CNKSR3: variants seen among roughly 807,000 people sequenced by gnomAD.
CNKSR3 encodes the protein CNKSR family member 3, also known as connector enhancer of kinase suppressor of ras 3.
Under a neutral mutation model 67.7 loss-of-function variants are expected in CNKSR3, and 36 were observed. The observed-to-expected ratio is 0.53, with a 90% CI of 0.41 to 0.70. The LOEUF is 0.70. Ranked by LOEUF, CNKSR3 falls within the 30% of genes least tolerant of loss-of-function variation. The pLI is 0.00. For missense variants in CNKSR3, 630 were observed against 695.2 expected (o/e 0.91, Z 1.05); for synonymous variants, 281 against 271.4 (o/e 1.04, Z -0.35).
At chr6:154,436,050 G>A (rs917544483) in intron 4 of CNKSR3, among the ~76,000 whole-genome samples, 4 of 152,240 alleles carry the variant, frequency 2.6e-5, no homozygotes, top group African/African-American at 9.6e-5. Context: ...AATGGCATGT[G>A]TCAAGCGTGG....
At chr6:154,509,993 T>C in intron 1 of CNKSR3, 70 bp downstream of exon 1, 2 of 1,560,140 alleles carry the variant, frequency 1.3e-6, no homozygotes, top group Non-Finnish European at 1.8e-6. Flanking sequence ...CCAAGTACCC[T>C]CTTCCCCAGC....
rs1393642965 is a variant in CNKSR3 at position 154,430,483 on chromosome 6, C to T, written c.658G>A (p.Gly220Arg). Residue 220 changes from glycine to arginine, a missense_variant, in exon 6 of 13, where the codon GGG (glycine) becomes AGG (arginine). By Grantham distance (125) the Gly-to-Arg change is moderately radical. Coordinates refer to ENST00000607772, the MANE Select transcript of CNKSR3 (RefSeq NM_173515.4). The stretch of plus-strand genomic sequence containing the variant: ...TTATTAGAACTTACCAGGCCTTCCC[C>T]AGGTTTAATGTTTGGTAAGTGAACT... ...EEVHLPNIKP[G>R]EGLGMYIKST... 4 of 1,609,664 alleles carry T rather than the reference C, an allele frequency of 2.5e-6. No homozygotes were observed. The highest frequency in any genetic ancestry group is 2.5e-6 in the Non-Finnish European group (3 of 1,178,566).
At chr6:154,428,773 G>C (rs899309520) in intron 6 of CNKSR3, among the ~76,000 whole-genome samples, 1 of 151,856 alleles carries the variant, frequency 6.6e-6, no homozygotes, top group East Asian at 1.9e-4. Flanking sequence ...CTCCCATCTC[G>C]GCCTCCCAAA....
chr6:154,489,845 C>G (rs1786751694), intron 1 of CNKSR3, among the ~76,000 whole-genome samples: 1 of 152,246 alleles, frequency 6.6e-6, no homozygotes, highest in South Asian at 2.1e-4. Flanking sequence ...AAGCTAGAAA[C>G]AATTCCTAAT....
chr6:154,479,796 A>C (rs1266106746), intron 1 of CNKSR3, among the ~76,000 whole-genome samples: 1 of 152,214 alleles, frequency 6.6e-6, no homozygotes, highest in Admixed American at 6.5e-5. Flanking sequence ...GTTCCAGAGA[A>C]AGCACCTGGA....
intron 1 of CNKSR3, among the ~76,000 whole-genome samples, chr6:154,454,882 G>A (rs1785918936): frequency 6.6e-6 from 1 of 151,996 alleles, no homozygotes. Flanking sequence ...AAGAGACACA[G>A]AAACTCCCAA....
intron 5 of CNKSR3, among the ~76,000 whole-genome samples, chr6:154,430,798 A>G (rs915989426): frequency 6.6e-6 from 1 of 152,176 alleles, no homozygotes; most frequent in South Asian, 2.1e-4. Flanking sequence ...TGTTTAGAAA[A>G]GGCAGCTTTT....
intron 9 of CNKSR3, among the ~76,000 whole-genome samples, chr6:154,416,995 G>C (rs1171308854): frequency 1.3e-5 from 2 of 152,206 alleles, no homozygotes; most frequent in African/African-American, 4.8e-5. Context: ...TGAATTTCCA[G>C]AAGTCAAGGG....
At chr6:154,497,891 T>C (rs1786910180) in intron 1 of CNKSR3, among the ~76,000 whole-genome samples, 1 of 152,200 alleles carries the variant, frequency 6.6e-6, no homozygotes, top group African/African-American at 2.4e-5. Context: ...AACTTACTAA[T>C]TTACGTAGGA....
Position 154,428,187 on chromosome 6 carries a change from C to T in CNKSR3, c.670G>A (p.Gly224Ser), listed in dbSNP as rs1785292785. The change falls in exon 7 of 13, where the codon GGC becomes AGC. Residue 224 changes from glycine to serine, a missense_variant and splice_region_variant. Gly to Ser is a moderately conservative substitution (Grantham distance 56). Coordinates refer to ENST00000607772, the MANE Select transcript of CNKSR3 (RefSeq NM_173515.4). ...LPNIKPGEGLGMYIKSTYDGL... is the reference protein window; with the variant it reads ...LPNIKPGEGLSMYIKSTYDGL... Reference sequence around the variant, plus strand: ...TCATAGGTTGATTTGATGTACATGCCCTGGAGTGAATCACAAATAGATTAA... The same window carrying T: ...TCATAGGTTGATTTGATGTACATGCTCTGGAGTGAATCACAAATAGATTAA... 1 of 1,603,706 alleles carries T rather than the reference C, an allele frequency of 6.2e-7. No individual in the cohort carries two copies. The highest frequency in any genetic ancestry group is 1.1e-5 in the South Asian group (1 of 90,858).
At chr6:154,460,637 C>A (rs958623682) in intron 1 of CNKSR3, among the ~76,000 whole-genome samples, 3 of 152,122 alleles carry the variant, frequency 2.0e-5, no homozygotes, top group African/African-American at 7.2e-5. Context: ...ACATATGAAA[C>A]AGAAGAAAGG....
At chr6:154,480,486 G>A (rs1218145108) in intron 1 of CNKSR3, among the ~76,000 whole-genome samples, 1 of 152,194 alleles carries the variant, frequency 6.6e-6, no homozygotes, top group Non-Finnish European at 1.5e-5. Flanking sequence ...TTTGAGAGCG[G>A]CGGAGTCTCA....
chr6:154,433,602 A>G (rs972865630), intron 4 of CNKSR3, 95 bp from the exon 5 acceptor site: 4 of 921,086 alleles, frequency 4.3e-6, no homozygotes, highest in East Asian at 2.6e-5. Flanking sequence ...CTGCAGCTCA[A>G]GACGGTCCCT....
chr6:154,417,190 T>C (rs1481052649), intron 9 of CNKSR3, among the ~76,000 whole-genome samples: 2 of 152,214 alleles, frequency 1.3e-5, no homozygotes, highest in Non-Finnish European at 2.9e-5. Flanking sequence ...ATTGGACACT[T>C]GCTTCTCCCT....
At chr6:154,424,104 C>T (rs1208694119) in intron 7 of CNKSR3, among the ~76,000 whole-genome samples, 8 of 151,802 alleles carry the variant, frequency 5.3e-5, no homozygotes, top group Non-Finnish European at 1.2e-4. Flanking sequence ...TGGTGGCGGG[C>T]GCCTGTAGTC....
chr6:154,403,470 C>T lies in CNKSR3; in HGVS notation c.*2884G>A, dbSNP rs1584043509. 1 of 151,910 alleles carries T rather than the reference C, an allele frequency of 6.6e-6. No homozygotes were observed. The highest frequency in any genetic ancestry group is 2.4e-5 in the African/African-American group (1 of 41,364). The allele number at this position is 151,910 out of a possible 1,614,324, so 9.4% of individuals were successfully genotyped here. A position where few individuals can be genotyped will look rare whatever the true frequency, so the allele number is the denominator to read the frequency against. The stretch of plus-strand genomic sequence containing the variant: ...AAAGAATCCTGTCAAAAAGCATCAT[C>T]AAGCAACTTCATATGTGAACACACG... On this transcript the variant is annotated 3_prime_UTR_variant, in exon 13 of 13. Coordinates refer to ENST00000607772, the MANE Select transcript of CNKSR3 (RefSeq NM_173515.4).
In CNKSR3 at chr6:154,510,504, C is replaced by T; in HGVS notation, c.-390G>A. 1 of 230,752 alleles carries T rather than the reference C, an allele frequency of 4.3e-6. No homozygotes were observed. Among genetic ancestry groups the T allele is most frequent in the Non-Finnish European group, 8.4e-6 (1 of 118,872 alleles). The allele number at this position is 230,752 out of a possible 1,614,324, so 14.3% of individuals were successfully genotyped here. A position where few individuals can be genotyped will look rare whatever the true frequency, so the allele number is the denominator to read the frequency against. ...TCTCGAGGCGCGATCGGCTCTCCCT[C>T]GGCCGGTCTTCTCGCCTGCTGGCTC... On this transcript the variant is annotated 5_prime_UTR_variant, in exon 1 of 13. Coordinates refer to ENST00000607772, the MANE Select transcript of CNKSR3 (RefSeq NM_173515.4).
intron 4 of CNKSR3, among the ~76,000 whole-genome samples, chr6:154,436,340 T>C (rs1251506666): frequency 1.3e-5 from 2 of 151,314 alleles, no homozygotes; most frequent in African/African-American, 4.9e-5. Flanking sequence ...CTTGGCTAAC[T>C]CCTTAATTTT....
At position 154,398,170 on chromosome 6, in the gene CNKSR3, C is replaced by G. The variant is rs993872037; in HGVS notation, c.*8184G>C. On this transcript the variant is annotated 3_prime_UTR_variant, in exon 13 of 13. Coordinates refer to ENST00000607772, the MANE Select transcript of CNKSR3 (RefSeq NM_173515.4). ...ACAACCCCACCCCAGTCCAGTGGTG[C>G]GGATCAATAAATCGAGACTTACGGC... 6.6e-6 allele frequency: 1 copy of G among 152,200 alleles called. No homozygotes were observed. Among genetic ancestry groups the G allele is most frequent in the Non-Finnish European group, 1.5e-5 (1 of 68,052 alleles). 9.4% of individuals were successfully genotyped at this position (152,200 alleles called of 1,614,324 possible). A position where few individuals can be genotyped will look rare whatever the true frequency, so the allele number is the denominator to read the frequency against.
Sources: gnomAD v4.1 joint callset for allele counts (sites outside exome capture counted in the v4.1 genomes callset) on GRCh38, gnomAD v4.1.1 for gene constraint, MANE v1.5 for transcripts, NCBI Gene and HGNC (gene_info 2026-07-23, HGNC 2026-07-21) for gene names.